MEGF11: variants seen among roughly 807,000 people sequenced by gnomAD.
The protein encoded by MEGF11 is multiple epidermal growth factor-like domains protein 11.
A neutral mutation model predicts 146.6 loss-of-function variants in MEGF11; 126 were observed. That is an observed-to-expected ratio of 0.86 (90% CI 0.74 to 1.00). MEGF11 has a LOEUF of 1.00. Among genes scored for constraint, MEGF11 ranks in the 50% least tolerant of loss-of-function variants. MEGF11 has a pLI of 0.00. For synonymous variants in MEGF11, 532 were observed against 583.4 expected, an observed-to-expected ratio of 0.91 and a Z score of 1.27; for missense variants, 1,509 against 1,521.2, an observed-to-expected ratio of 0.99 and a Z score of 0.13.
intron 5 of MEGF11, among the ~76,000 whole-genome samples, chr15:65,994,059 G>A (rs1460826621): frequency 1.3e-5 from 2 of 152,234 alleles, no homozygotes; most frequent in Non-Finnish European, 2.9e-5. Context: ...GGGCTCCAGA[G>A]CTGCTGTGTT....
chr15:65,987,328 T>C (rs2081898384), intron 5 of MEGF11, among the ~76,000 whole-genome samples: 1 of 152,104 alleles, frequency 6.6e-6, no homozygotes, highest in Non-Finnish European at 1.5e-5. Flanking sequence ...CCCTTGAAAA[T>C]CCATAAAGAG....
intron 1 of MEGF11, among the ~76,000 whole-genome samples, chr15:66,230,775 TTC>T (rs2091952307): frequency 6.6e-6 from 1 of 152,222 alleles, no homozygotes; most frequent in South Asian, 2.1e-4. Context: ...TCCAAAATTT[TTC>T]ATTGTAAAGA....
At chr15:65,942,288 C>T (rs1364015331) in intron 10 of MEGF11, among the ~76,000 whole-genome samples, 1 of 152,184 alleles carries the variant, frequency 6.6e-6, no homozygotes, top group Non-Finnish European at 1.5e-5. Context: ...TCATAATCTC[C>T]TGTCCTACCC....
At chr15:66,218,114 T>C (rs998475806) in intron 1 of MEGF11, among the ~76,000 whole-genome samples, 1 of 152,190 alleles carries the variant, frequency 6.6e-6, no homozygotes, top group African/African-American at 2.4e-5. Flanking sequence ...TTTATTGGTT[T>C]TGGCTGGGTT....
At chr15:66,013,371 C>T (rs1044009443) in intron 5 of MEGF11, among the ~76,000 whole-genome samples, 4 of 152,046 alleles carry the variant, frequency 2.6e-5, no homozygotes, top group African/African-American at 7.3e-5. Flanking sequence ...CCCACCCCCA[C>T]CCCAGGTCTC....
chr15:65,962,878 C>T (rs1209062080), intron 9 of MEGF11, among the ~76,000 whole-genome samples: 1 of 152,024 alleles, frequency 6.6e-6, no homozygotes, highest in African/African-American at 2.4e-5. Flanking sequence ...GCTACTCCCT[C>T]CCAGTCCCTG....
At position 65,980,887 on chromosome 15, in the gene MEGF11, AGCT is replaced by A; in HGVS notation, c.650_652del (p.Glu217_Leu218delinsVal). On this transcript the variant is annotated inframe_deletion, in exon 7 of 26. Transcript: ENST00000395614. ...AGCTCCATGGCTCCCAGGAGGGCACAGCTCCTCGCAGCTGCATGGAGAAGCAGA... is the reference window on the plus strand; with the variant it reads ...AGCTCCATGGCTCCCAGGAGGGCACACCTCGCAGCTGCATGGAGAAGCAGA... 6.3e-7 allele frequency: 1 copy of A among 1,582,356 alleles called. No individual in the cohort carries two copies. The highest frequency in any genetic ancestry group is 8.6e-7 in the Non-Finnish European group (1 of 1,165,324).
intron 1 of MEGF11, among the ~76,000 whole-genome samples, chr15:66,199,614 C>A (rs1276322326): frequency 1.3e-5 from 2 of 152,148 alleles, no homozygotes; most frequent in Non-Finnish European, 2.9e-5. Context: ...TTAAGGCACA[C>A]CAACACTAAC....
At chr15:65,966,305 A>ATATC (rs1376762859) in intron 8 of MEGF11, among the ~76,000 whole-genome samples, 3 of 152,210 alleles carry the variant, frequency 2.0e-5, no homozygotes, top group African/African-American at 7.2e-5. Flanking sequence ...AGATATTTTT[A>ATATC]TATCTCTGAA....
intron 5 of MEGF11, among the ~76,000 whole-genome samples, chr15:66,082,308 C>T (rs1435379972): frequency 1.3e-5 from 2 of 150,070 alleles, no homozygotes; most frequent in Non-Finnish European, 3.0e-5. Flanking sequence ...GGATAGTTGG[C>T]CAGGCGTGGT....
chr15:65,898,105 T>A lies in MEGF11; in HGVS notation c.3263-11A>T. The stretch of plus-strand genomic sequence containing the variant: ...CACTGACTGTGGGCTCTAAGAAATA[T>A]AGTGAAAAATGAGTTCAGAGAACAG... On this transcript the variant is annotated splice_polypyrimidine_tract_variant and intron_variant, in intron 25 of 25. Transcript: ENST00000395614. The A allele has an allele frequency of 6.2e-7, 1 of 1,609,284 alleles. No individual in the cohort carries two copies.
chr15:66,191,553 C>A (rs1173260624), intron 1 of MEGF11, among the ~76,000 whole-genome samples: 1 of 152,176 alleles, frequency 6.6e-6, no homozygotes, highest in Admixed American at 6.5e-5. Context: ...AGTGCCAATG[C>A]AGGGCACTCA....
At chr15:65,984,786 T>TTTA (rs2081795291) in intron 5 of MEGF11, among the ~76,000 whole-genome samples, 1 of 149,036 alleles carries the variant, frequency 6.7e-6, no homozygotes, top group African/African-American at 2.4e-5. Context: ...TTATTTATTT[T>TTTA]GAGACAGAGT....
chr15:65,921,196 C>G (rs1339273614), intron 15 of MEGF11, among the ~76,000 whole-genome samples: 1 of 152,188 alleles, frequency 6.6e-6, no homozygotes, highest in Non-Finnish European at 1.5e-5. Context: ...AGGTAGTGAG[C>G]TCTCAGTCAA....
At chr15:65,966,330 G>A (rs1018198876) in intron 8 of MEGF11, among the ~76,000 whole-genome samples, 5 of 152,196 alleles carry the variant, frequency 3.3e-5, no homozygotes, top group Non-Finnish European at 5.9e-5. Flanking sequence ...GATAAGTCTT[G>A]TAATTGGTGA....
rs1038753339 is a variant in MEGF11 at position 65,911,097 on chromosome 15, G to A, written c.2829+985C>T. Among the ~76,000 whole-genome samples, 38 of 152,184 alleles carry A rather than the reference G, an allele frequency of 2.5e-4. 1 individual carries two copies. Among genetic ancestry groups the A allele is most frequent in the Admixed American group, 2.4e-3 (36 of 15,284 alleles). ...GCCCAAGGGCCTGTTGACTATAAGA[G>A]GACATCTTGCCAACAGCCAGGGTTA... On this transcript the variant is annotated intron_variant, in intron 21 of 25. Transcript: ENST00000395614.
At chr15:66,080,369 G>A (rs111606008) in intron 5 of MEGF11, among the ~76,000 whole-genome samples, 118 of 149,676 alleles carry the variant, frequency 7.9e-4, no homozygotes, top group African/African-American at 2.7e-3. Context: ...AAGGGGGACC[G>A]CAGCACACAC....
At chr15:66,118,999 A>C in intron 4 of MEGF11, 87 bp downstream of exon 4, 1 of 872,098 alleles carries the variant, frequency 1.1e-6, no homozygotes, top group Non-Finnish European at 1.8e-6. Flanking sequence ...GGGGCCGTGG[A>C]TATCAGCCCC....
At chr15:66,155,385 C>T (rs549208487) in intron 1 of MEGF11, among the ~76,000 whole-genome samples, 1 of 152,286 alleles carries the variant, frequency 6.6e-6, no homozygotes, top group African/African-American at 2.4e-5. Context: ...CCCTAAGAGA[C>T]CGGGTTCTCT....
Sources: gnomAD v4.1 joint callset for allele counts (sites outside exome capture counted in the v4.1 genomes callset) on GRCh38, gnomAD v4.1.1 for gene constraint, MANE v1.5 for transcripts, NCBI Gene and HGNC (gene_info 2026-07-23, HGNC 2026-07-21) for gene names.